The following NEK2 variants were observed in gnomAD, a reference collection of about 807,000 sequenced individuals.
NEK2 encodes NIMA related kinase 2.
NEK2 carries 28 observed loss-of-function variants against 54.1 expected under a neutral mutation model. The observed-to-expected ratio is 0.52, with a 90% CI of 0.38 to 0.71. The LOEUF is 0.71. Among genes scored for constraint, NEK2 ranks in the 30% least tolerant of loss-of-function variants. The pLI is 0.00. For missense variants in NEK2, 407 were observed against 531.5 expected (o/e 0.77, Z 2.30); for synonymous variants, 176 against 193.1 (o/e 0.91, Z 0.73).
chr1:211,669,375 G>C (rs1655290713), intron 5 of NEK2, 43 bp from the exon 6 acceptor site: 2 of 1,530,992 alleles, frequency 1.3e-6, no homozygotes, highest in Admixed American at 3.4e-5. Flanking sequence ...TTGCATAACA[G>C]AATAGTCCTC....
downstream of NEK2, chr1:211,658,719 CAAAAAAAAAA>C (rs967490624): frequency 6.7e-3 from 252 of 37,564 alleles, 3 homozygotes; most frequent in Non-Finnish European, 9.0e-3. Context: ...GACTCTATCT[CAAAAAAAAAA>C]AAAAAAAAAA....
Position 211,671,189 on chromosome 1 carries a change from T to C in NEK2, c.638+13A>G. 1 of 1,598,328 alleles carries C rather than the reference T, an allele frequency of 6.3e-7. No homozygotes were observed. Among genetic ancestry groups the C allele is most frequent in the Non-Finnish European group, 8.6e-7 (1 of 1,166,306 alleles). ...CAAACCTTAGACTAGGAATCTGTCT[T>C]CATCATACTTACATTAATGCACATA... On this transcript the variant is annotated intron_variant, in intron 4 of 7. Transcript: ENST00000366999.
At chr1:211,671,454 T>C (rs1471440704) in intron 3 of NEK2, among the ~76,000 whole-genome samples, 170 bp from the exon 4 acceptor site, 2 of 152,250 alleles carry the variant, frequency 1.3e-5, no homozygotes, top group Non-Finnish European at 2.9e-5. Flanking sequence ...CTTGTTCCAA[T>C]ACACTCCATC....
At chr1:211,661,399 A>G (rs932730907), downstream of NEK2, 1 of 312,390 alleles carries the variant, frequency 3.2e-6, no homozygotes, top group Non-Finnish European at 6.1e-6. Context: ...AACAAACTTT[A>G]TTGGTAACAC....
chr1:211,661,049 G>A (rs556589318), downstream of NEK2: 12 of 739,510 alleles, frequency 1.6e-5, no homozygotes, highest in African/African-American at 3.4e-5. Flanking sequence ...ACCAGCTCCC[G>A]GAATGCTAAG....
At position 211,674,324 on chromosome 1, in the gene NEK2, T is replaced by C. The variant is rs1655503610; in HGVS notation, c.286A>G (p.Ser96Gly). 6 of 1,613,142 alleles carry C rather than the reference T, an allele frequency of 3.7e-6. No individual in the cohort carries two copies. Among genetic ancestry groups the C allele is most frequent in the Admixed American group, 1.7e-5 (1 of 59,936 alleles). ...TCCTTGGTTCCCTTTGTAATTACAC[T>C]AGCCAGATCCCCTCCTTCACAATAT... ...MEYCEGGDLA[S>G]VITKGTKERQ... The change falls in exon 2 of 8, where the codon AGT becomes GGT. Residue 96 changes from serine to glycine, a missense_variant. Transcript: ENST00000366999.
downstream of NEK2, among the ~76,000 whole-genome samples, chr1:211,661,912 C>A (rs1174294187): frequency 2.0e-5 from 3 of 152,154 alleles, no homozygotes; most frequent in East Asian, 3.9e-4. Context: ...GGAGAGATTT[C>A]TTGTACTTTT....
rs1655053627 is a variant in NEK2 at position 211,662,819 on chromosome 1, A to G, written c.*607T>C. 1.0e-6 allele frequency: 1 copy of G among 984,848 alleles called. No individual in the cohort carries two copies. Among genetic ancestry groups the G allele is most frequent in the Non-Finnish European group, 1.2e-6 (1 of 829,448 alleles). 61.0% of individuals were successfully genotyped at this position (984,848 alleles called of 1,614,324 possible). ...TTTATTTAGTGGGAAAGAAGTAGGT[A>G]AATGACAGACAGCTCATATTCTGTT... On this transcript the variant is annotated 3_prime_UTR_variant, in exon 8 of 8. Coordinates refer to ENST00000366999, the MANE Select transcript of NEK2 (RefSeq NM_002497.4). This position sits in a 1 kb window ranked among gnomAD's most constrained non-coding sequence, Gnocchi z 4.2.
At position 211,670,830 on chromosome 1, in the gene NEK2, GA is replaced by G. The variant is rs1223792366; in HGVS notation, c.638+371del. Among the ~76,000 whole-genome samples, 15 of 95,876 alleles carry G rather than the reference GA, an allele frequency of 1.6e-4. No homozygotes were observed. In the South Asian group the frequency reaches 4.3e-3, roughly 28 times the overall value. The allele number at this position is 95,876 out of a possible 152,430, so 62.9% of individuals were successfully genotyped here. ...AAAGAAGAACAAAGGAAAAGAATTG[GA>G]GCTCTTCCCTGCTCTACAGATCCCC... On this transcript the variant is annotated intron_variant, in intron 4 of 7. Transcript: ENST00000366999.
chr1:211,672,068 C>T (rs1032596451), intron 3 of NEK2, among the ~76,000 whole-genome samples: 1 of 152,052 alleles, frequency 6.6e-6, no homozygotes, highest in African/African-American at 2.4e-5. Flanking sequence ...TTAGTCAAAA[C>T]CAAAATCATT....
At chr1:211,668,341 G>A (rs919744005) in intron 6 of NEK2, among the ~76,000 whole-genome samples, 13 of 152,138 alleles carry the variant, frequency 8.5e-5, no homozygotes, top group Admixed American at 5.9e-4. Flanking sequence ...AAATGCTTGC[G>A]AGTAGCTCTC....
At chr1:211,670,491 G>C (rs1655339747) in intron 4 of NEK2, 84 bp from the exon 5 acceptor site, 3 of 1,422,484 alleles carry the variant, frequency 2.1e-6, no homozygotes, top group Non-Finnish European at 1.9e-6. Flanking sequence ...TAAATCAAAA[G>C]CACAGCTTAA....
At chr1:211,658,596 C>T (rs1654935415), downstream of NEK2, 1 of 447,084 alleles carries the variant, frequency 2.2e-6, no homozygotes, top group Non-Finnish European at 4.5e-6. Context: ...CTGGGCAAAA[C>T]AGTGAGACTC....
chr1:211,674,891 C>T (rs981494377), intron 1 of NEK2, among the ~76,000 whole-genome samples: 4 of 152,232 alleles, frequency 2.6e-5, no homozygotes, highest in African/African-American at 9.6e-5. Flanking sequence ...GTAAAGATCC[C>T]TCCATCAGCA....
At chr1:211,673,002 T>C (rs1419592989) in intron 3 of NEK2, among the ~76,000 whole-genome samples, 4 of 151,890 alleles carry the variant, frequency 2.6e-5, no homozygotes, top group Non-Finnish European at 5.9e-5. Context: ...ATATAGACTT[T>C]ATTGGTCTGG....
chr1:211,674,565 A>G, intron 1 of NEK2, 52 bp from the exon 2 acceptor site: 1 of 1,350,650 alleles, frequency 7.4e-7, no homozygotes, highest in Non-Finnish European at 1.0e-6. Context: ...TCAAAAACAA[A>G]GAATGAAAGT....
chr1:211,666,378 G>T, intron 7 of NEK2: 2 of 442,854 alleles, frequency 4.5e-6, no homozygotes, highest in Non-Finnish European at 6.0e-6. Flanking sequence ...GGCTTATCAT[G>T]CCTTTTAAGC....
chr1:211,666,758 C>T (rs772120994), intron 7 of NEK2: 6 of 440,992 alleles, frequency 1.4e-5, no homozygotes, highest in Non-Finnish European at 1.8e-5. Flanking sequence ...GAGATTGTGC[C>T]ACTGCACTCC....
chr1:211,673,430 G>A, intron 3 of NEK2, 53 bp downstream of exon 3: 2 of 1,603,764 alleles, frequency 1.2e-6, no homozygotes, highest in Non-Finnish European at 1.7e-6. Context: ...AAACAAACAA[G>A]AAAACAAAAA....
Sources: allele counts gnomAD v4.1 joint callset (sites outside exome capture counted in the v4.1 genomes callset), GRCh38; gene constraint gnomAD v4.1.1; non-coding constraint Gnocchi (gnomAD v3.1); transcripts MANE v1.5; gene names NCBI Gene and HGNC (gene_info 2026-07-23, HGNC 2026-07-21).